The following C2CD4A variants were observed in gnomAD, a reference collection of about 807,000 sequenced individuals.
C2CD4A encodes the protein C2 calcium-dependent domain-containing protein 4A.
In C2CD4A, 2 loss-of-function variants were observed where a neutral mutation model predicts 0.4. That is an observed-to-expected ratio of 4.45 (90% confidence interval 1.82 to 13.99). The LOEUF is 13.99. Among genes scored for constraint, C2CD4A ranks in the 30% most tolerant of loss-of-function variants. The pLI is 0.04. For synonymous variants in C2CD4A, 297 were observed against 280.8 expected (o/e 1.06, Z -0.58); for missense variants, 610 against 574.2 (o/e 1.06, Z -0.64).
chr15:62,068,757 G>A lies in C2CD4A; in HGVS notation c.*34G>A, dbSNP rs1266008898. Reference sequence around the variant, plus strand: ...CCCTCCCCGGGGCGCTCTGCCCGGGGGACTCCGGACACTGACAGCCGCGTG... The same window carrying A: ...CCCTCCCCGGGGCGCTCTGCCCGGGAGACTCCGGACACTGACAGCCGCGTG... On this transcript the variant is annotated 3_prime_UTR_variant, in exon 2 of 2. Transcript: ENST00000355522. 4.2e-6 allele frequency: 6 copies of A among 1,434,548 alleles called. No individual in the cohort carries two copies. Among genetic ancestry groups the A allele is most frequent in the Non-Finnish European group, 5.5e-6 (6 of 1,091,634 alleles). The allele number at this position is 1,434,548 out of a possible 1,614,324, so 88.9% of individuals were successfully genotyped here.
Position 62,068,158 on chromosome 15 carries a change from T to C in C2CD4A, c.545T>C (p.Leu182Pro), listed in dbSNP as rs1296130504. ...CGGCGGCCCCGCGGCTGCCGCCTCC[T>C]GCGCGTCCCCGACGGGCTGCTGAGT... ...LARRPRGCRL[L>P]RVPDGLLSRA... The change falls in exon 2 of 2, where the codon CTG becomes CCG. Residue 182 changes from leucine to proline, a missense_variant. By Grantham distance (98) the Leu-to-Pro change is moderately conservative. Transcript: ENST00000355522. 1.6e-6 allele frequency: 2 copies of C among 1,227,986 alleles called. No homozygotes were observed. The highest frequency in any genetic ancestry group is 3.2e-4 in the Middle Eastern group (1 of 3,142). 76.1% of individuals were successfully genotyped at this position (1,227,986 alleles called of 1,614,324 possible).
Position 62,068,688 on chromosome 15 carries a change from G to A in C2CD4A, c.1075G>A (p.Gly359Ser), listed in dbSNP as rs2049064157. The change falls in exon 2 of 2, where the codon GGT becomes AGT. Residue 359 changes from glycine (G) to serine (S), a missense_variant. By Grantham distance (56) the Gly-to-Ser change is moderately conservative. Coordinates refer to ENST00000355522, the MANE Select transcript of C2CD4A (RefSeq NM_207322.3). Reference protein sequence around the residue: ...GRERGRLLGQGELSLGALLLL With the variant: ...GRERGRLLGQSELSLGALLLL ...GGAGCGGGGCCGCCTGCTGGGCCAGGGTGAGCTGTCCCTGGGCGCCCTCCT... is the reference window on the plus strand; with the variant it reads ...GGAGCGGGGCCGCCTGCTGGGCCAGAGTGAGCTGTCCCTGGGCGCCCTCCT... 1.9e-6 allele frequency: 3 copies of A among 1,538,962 alleles called. No homozygotes were observed. The highest frequency in any genetic ancestry group is 2.6e-6 in the Non-Finnish European group (3 of 1,140,736).
At position 62,067,981 on chromosome 15, in the gene C2CD4A, G is replaced by A. The variant is rs2049056556; in HGVS notation, c.368G>A (p.Gly123Glu). The part of the protein sequence containing the change: ...HTRRKESLLL[G>E]GPPAPRPRAH... The stretch of plus-strand genomic sequence containing the variant: ...CGCCGCAAGGAGTCGCTCCTGCTCG[G>A]GGGCCCGCCCGCGCCCCGGCCCCGG... Residue 123 changes from glycine to glutamate, a missense_variant, in exon 2 of 2, where the codon GGG becomes GAG. Coordinates refer to ENST00000355522, the MANE Select transcript of C2CD4A (RefSeq NM_207322.3). 7.1e-7 allele frequency: 1 copy of A among 1,417,852 alleles called. No individual in the cohort carries two copies. The highest frequency in any genetic ancestry group is 9.1e-7 in the Non-Finnish European group (1 of 1,096,960). The allele number at this position is 1,417,852 out of a possible 1,614,324, so 87.8% of individuals were successfully genotyped here.
At position 62,068,456 on chromosome 15, in the gene C2CD4A, C is replaced by T. The variant is rs1405954639; in HGVS notation, c.843C>T (p.Ala281=). The change falls in exon 2 of 2, where the codon GCC becomes GCT. Residue 281 remains alanine, a synonymous_variant. Coordinates refer to ENST00000355522, the MANE Select transcript of C2CD4A (RefSeq NM_207322.3). ...GGCTGCTCCGCGCCGAGAGCCCGGC[C>T]GGAGGCGCCCCCGGGCCCCGAGCCG... is the stretch of plus-strand genomic sequence containing the variant. ...RLRLLRAESP[A]GGAPGPRAVS... 4 of 1,425,918 alleles carry T rather than the reference C, an allele frequency of 2.8e-6. No homozygotes were observed. Among genetic ancestry groups the T allele is most frequent in the Non-Finnish European group, 3.6e-6 (4 of 1,098,976 alleles). The allele number at this position is 1,425,918 out of a possible 1,614,324, so 88.3% of individuals were successfully genotyped here. A position where few individuals can be genotyped will look rare whatever the true frequency, so the allele number is the denominator to read the frequency against.
chr15:62,067,469 T>C (rs1337492527), intron 1 of C2CD4A, 116 bp from the exon 2 acceptor site: 3 of 871,204 alleles, frequency 3.4e-6, no homozygotes, highest in Non-Finnish European at 3.4e-6. Flanking sequence ...CAGTTTGCCT[T>C]GTTTCGGGAA....
Position 62,070,313 on chromosome 15 carries a change from T to A in C2CD4A, c.*1590T>A, listed in dbSNP as rs2049075631. On this transcript the variant is annotated 3_prime_UTR_variant, in exon 2 of 2. Transcript: ENST00000355522. ...GTTTCTGCTTTATTTTATTTCATTT[T>A]ATCTTTTAGAAACAAGGCGTCACTC... is the stretch of plus-strand genomic sequence containing the variant. 2.4e-6 allele frequency: 1 copy of A among 413,106 alleles called. No homozygotes were observed. The highest frequency in any genetic ancestry group is 2.1e-5 in the African/African-American group (1 of 48,644). 25.6% of individuals were successfully genotyped at this position (413,106 alleles called of 1,614,324 possible). A position where few individuals can be genotyped will look rare whatever the true frequency, so the allele number is the denominator to read the frequency against.
Position 62,070,696 on chromosome 15 carries a change from T to C in C2CD4A, c.*1973T>C, listed in dbSNP as rs2049077834. On this transcript the variant is annotated 3_prime_UTR_variant, in exon 2 of 2. Transcript: ENST00000355522. Reference sequence around the variant, plus strand: ...TATGACTTTATCAAAATCAGCCACATCCAGGAGCTTGCAGTTGTTGACCAA... The same window carrying C: ...TATGACTTTATCAAAATCAGCCACACCCAGGAGCTTGCAGTTGTTGACCAA... The C allele has an allele frequency of 2.5e-6, 1 of 401,886 alleles. No homozygotes were observed. Among genetic ancestry groups the C allele is most frequent in the African/African-American group, 2.1e-5 (1 of 48,420 alleles). The allele number at this position is 401,886 out of a possible 1,614,324, so 24.9% of individuals were successfully genotyped here. A position where few individuals can be genotyped will look rare whatever the true frequency, so the allele number is the denominator to read the frequency against.
chr15:62,067,969 C>A lies in C2CD4A; in HGVS notation c.356C>A (p.Ser119Ter). The A allele has an allele frequency of 3.4e-6, 5 of 1,482,190 alleles. No homozygotes were observed. In the East Asian group the frequency reaches 8.4e-5, roughly 25 times the overall value. 91.8% of individuals were successfully genotyped at this position (1,482,190 alleles called of 1,614,324 possible). The change falls in exon 2 of 2, where the codon TCG becomes TAG. Residue 119 changes from serine (S) to a stop codon, truncating the protein, a stop_gained. Coordinates refer to ENST00000355522, the MANE Select transcript of C2CD4A (RefSeq NM_207322.3). LOFTEE classifies it low-confidence loss of function (END_TRUNC). ...AGCCCGCACACGCGCCGCAAGGAGT[C>A]GCTCCTGCTCGGGGGCCCGCCCGCG... Reference protein sequence around the residue: ...LESPHTRRKESLLLGGPPAPR... With the variant: ...LESPHTRRKE
In C2CD4A at chr15:62,069,890, G is replaced by C. The variant is rs1439305996; in HGVS notation, c.*1167G>C. ...CTTTTGGTGAAAAAACAAATTGCTT[G>C]AAATGAATAATTTATTATCTCATGC... On this transcript the variant is annotated 3_prime_UTR_variant, in exon 2 of 2. Coordinates refer to ENST00000355522, the MANE Select transcript of C2CD4A (RefSeq NM_207322.3). 5.9e-6 allele frequency: 1 copy of C among 168,770 alleles called. No homozygotes were observed. Among genetic ancestry groups the C allele is most frequent in the Non-Finnish European group, 1.4e-5 (1 of 69,360 alleles). The allele number at this position is 168,770 out of a possible 1,614,324, so 10.5% of individuals were successfully genotyped here. A position where few individuals can be genotyped will look rare whatever the true frequency, so the allele number is the denominator to read the frequency against.
chr15:62,068,140 C>A lies in C2CD4A; in HGVS notation c.527C>A (p.Pro176His). The stretch of plus-strand genomic sequence containing the variant: ...CCCCAGGACGCGCTCGCCCGGCGGC[C>A]CCGCGGCTGCCGCCTCCTGCGCGTC... Reference protein sequence around the residue: ...RPPQDALARRPRGCRLLRVPD... With the variant: ...RPPQDALARRHRGCRLLRVPD... The change falls in exon 2 of 2, where the codon CCC (proline) becomes CAC (histidine). Residue 176 changes from proline (P) to histidine (H), a missense_variant. Physicochemically the swap from Pro to His is moderately conservative, Grantham distance 77. Transcript: ENST00000355522. 1 of 1,205,600 alleles carries A rather than the reference C, an allele frequency of 8.3e-7. No individual in the cohort carries two copies. The highest frequency in any genetic ancestry group is 1.0e-6 in the Non-Finnish European group (1 of 973,400). 74.7% of individuals were successfully genotyped at this position (1,205,600 alleles called of 1,614,324 possible).
rs373827886 is a variant in C2CD4A at position 62,068,815 on chromosome 15, C to G, written c.*92C>G. 311 of 1,391,586 alleles carry G rather than the reference C, an allele frequency of 2.2e-4. No homozygotes were observed. In the African/African-American group the frequency reaches 3.4e-3, roughly 15 times the overall value. 86.2% of individuals were successfully genotyped at this position (1,391,586 alleles called of 1,614,324 possible). A position where few individuals can be genotyped will look rare whatever the true frequency, so the allele number is the denominator to read the frequency against. On this transcript the variant is annotated 3_prime_UTR_variant, in exon 2 of 2. Coordinates refer to ENST00000355522, the MANE Select transcript of C2CD4A (RefSeq NM_207322.3). The stretch of plus-strand genomic sequence containing the variant: ...ATAAACGTGTATTTGTTGTTCTTAT[C>G]AGTCCCGTTTCAGTACAACACTGGC...
chr15:62,068,151 C>T lies in C2CD4A; in HGVS notation c.538C>T (p.Arg180Cys). ...GCTCGCCCGGCGGCCCCGCGGCTGC[C>T]GCCTCCTGCGCGTCCCCGACGGGCT... ...DALARRPRGC[R>C]LLRVPDGLLS... is the part of the protein sequence containing the mutation. Residue 180 changes from arginine to cysteine, a missense_variant, in exon 2 of 2, where the codon CGC becomes TGC. Physicochemically the swap from Arg to Cys is radical, Grantham distance 180 (BLOSUM62 -3). Transcript: ENST00000355522. 1.6e-5 allele frequency: 19 copies of T among 1,217,444 alleles called. No individual in the cohort carries two copies. Among genetic ancestry groups the T allele is most frequent in the Non-Finnish European group, 1.9e-5 (19 of 980,718 alleles). The allele number at this position is 1,217,444 out of a possible 1,614,324, so 75.4% of individuals were successfully genotyped here.
Position 62,067,638 on chromosome 15 carries a change from T to C in C2CD4A, c.25T>C (p.Leu9=). The change falls in exon 2 of 2, where the codon TTG becomes CTG. Residue 9 remains leucine (L), a synonymous_variant. Coordinates refer to ENST00000355522, the MANE Select transcript of C2CD4A (RefSeq NM_207322.3). The stretch of plus-strand genomic sequence containing the variant: ...GATGTGGTGCCTGGAGCGACTCCGC[T>C]TGGGTCCTGAGTGCCTTCGGCGGAG... MWCLERLR[L]GPECLRRSGD... is the part of the protein sequence containing the mutation. The C allele has an allele frequency of 1.9e-6, 3 of 1,600,552 alleles. No individual in the cohort carries two copies. Among genetic ancestry groups the C allele is most frequent in the Non-Finnish European group, 2.5e-6 (3 of 1,176,952 alleles).
chr15:62,067,550 C>A, intron 1 of C2CD4A, 35 bp from the exon 2 acceptor site: 1 of 1,498,542 alleles, frequency 6.7e-7, no homozygotes, highest in South Asian at 1.3e-5. Context: ...TTGCGGGACT[C>A]GCTCTGACGA....
chr15:62,067,144 C>T (rs2049050249), intron 1 of C2CD4A, 56 bp downstream of exon 1: 2 of 155,216 alleles, frequency 1.3e-5, no homozygotes, highest in African/African-American at 4.8e-5. Context: ...TCGTCTGAGG[C>T]TCTTTGCCTC....
rs1322401881 is a variant in C2CD4A, at chr15:62,069,057, A to G, written c.*334A>G. 7.0e-6 allele frequency: 2 copies of G among 285,530 alleles called. No homozygotes were observed. The highest frequency in any genetic ancestry group is 1.4e-5 in the Non-Finnish European group (2 of 145,324). The allele number at this position is 285,530 out of a possible 1,614,324, so 17.7% of individuals were successfully genotyped here. On this transcript the variant is annotated 3_prime_UTR_variant, in exon 2 of 2. Coordinates refer to ENST00000355522, the MANE Select transcript of C2CD4A (RefSeq NM_207322.3). ...GCGATCTGTTTGCTCCAATCACCTC[A>G]TTTTAAAATTGGTGCTTTCCACAAC...
chr15:62,068,067 C>A lies in C2CD4A; in HGVS notation c.454C>A (p.Arg152=), dbSNP rs1450922372. ...CCTCCTGGGGACCCTGCGCGTCCCG[C>A]GAGCTCCGGGCCCGGCGACCCCCGC... is the stretch of plus-strand genomic sequence containing the variant. ...DALLGTLRVP[R]APGPATPAAP... Residue 152 remains arginine (R), a synonymous_variant, in exon 2 of 2, where the codon CGA becomes AGA. Coordinates refer to ENST00000355522, the MANE Select transcript of C2CD4A (RefSeq NM_207322.3). The A allele has an allele frequency of 1.7e-6, 2 of 1,166,932 alleles. No individual in the cohort carries two copies. The highest frequency in any genetic ancestry group is 3.3e-5 in the African/African-American group (2 of 61,430). The allele number at this position is 1,166,932 out of a possible 1,614,324, so 72.3% of individuals were successfully genotyped here. A position where few individuals can be genotyped will look rare whatever the true frequency, so the allele number is the denominator to read the frequency against.
In C2CD4A at chr15:62,069,584, AAAT is replaced by A. The variant is rs35016296; in HGVS notation, c.*879_*881del. 2.8e-4 allele frequency: 45 copies of A among 159,684 alleles called. No homozygotes were observed. The highest frequency in any genetic ancestry group is 9.0e-4 in the African/African-American group (37 of 41,050). The allele number at this position is 159,684 out of a possible 1,614,324, so 9.9% of individuals were successfully genotyped here. A position where few individuals can be genotyped will look rare whatever the true frequency, so the allele number is the denominator to read the frequency against. On this transcript the variant is annotated 3_prime_UTR_variant, in exon 2 of 2. Transcript: ENST00000355522. Reference sequence around the variant, plus strand: ...GCAACCGGAGTGAGACCCTGTCTGCAAATAATAATAATAATAATAAATAGTTTT... The same window carrying A: ...GCAACCGGAGTGAGACCCTGTCTGCAAATAATAATAATAATAAATAGTTTT...
chr15:62,068,413 C>G lies in C2CD4A; in HGVS notation c.800C>G (p.Thr267Ser). Residue 267 changes from threonine to serine, a missense_variant, in exon 2 of 2, where the codon ACC (threonine) becomes AGC (serine). By Grantham distance (58) the Thr-to-Ser change is moderately conservative. Coordinates refer to ENST00000355522, the MANE Select transcript of C2CD4A (RefSeq NM_207322.3). ...LRLAAEYCPGTGRLRLRLLRA... is the reference protein window; with the variant it reads ...LRLAAEYCPGSGRLRLRLLRA... ...CTGGCCGCCGAGTACTGTCCGGGAA[C>G]CGGGCGGCTCCGCCTCCGGCTGCTC... 1 of 1,399,328 alleles carries G rather than the reference C, an allele frequency of 7.1e-7. No individual in the cohort carries two copies. Among genetic ancestry groups the G allele is most frequent in the Non-Finnish European group, 9.2e-7 (1 of 1,086,358 alleles). 86.7% of individuals were successfully genotyped at this position (1,399,328 alleles called of 1,614,324 possible). A position where few individuals can be genotyped will look rare whatever the true frequency, so the allele number is the denominator to read the frequency against.
Sources: allele counts gnomAD v4.1 joint callset, GRCh38; gene constraint gnomAD v4.1.1; transcripts MANE v1.5; gene names NCBI Gene and HGNC (gene_info 2026-07-23, HGNC 2026-07-21).